The following ACSL5 variants were observed in gnomAD, a reference collection of about 807,000 sequenced individuals.
The protein encoded by ACSL5 is long-chain-fatty-acid--CoA ligase 5.
ACSL5 carries 50 observed loss-of-function variants against 84.9 expected under a neutral mutation model. The observed-to-expected ratio is 0.59, with a 90% confidence interval of 0.47 to 0.75. The LOEUF (loss-of-function observed/expected upper bound fraction) is 0.75, where lower values mean the gene tolerates loss of function less well. Ranked by LOEUF, ACSL5 falls within the 30% of genes least tolerant of loss-of-function variation. The pLI, the probability that ACSL5 is intolerant of heterozygous loss-of-function variation, is 0.00. For synonymous variants in ACSL5, 280 were observed against 300.7 expected, an observed-to-expected ratio of 0.93 and a Z score of 0.71; for missense variants, 775 against 830.4, an observed-to-expected ratio of 0.93 and a Z score of 0.82.
intron 1 of ACSL5, among the ~76,000 whole-genome samples, chr10:112,381,507 A>T (rs1849347406): frequency 6.6e-6 from 1 of 152,024 alleles, no homozygotes; most frequent in African/African-American, 2.4e-5. Context: ...TCTACTAAAA[A>T]TACAAAAATT....
Position 112,427,350 on chromosome 10 carries a change from C to A in ACSL5, c.2044C>A (p.Gln682Lys). The A allele has an allele frequency of 1.2e-6, 2 of 1,612,434 alleles. No homozygotes were observed. Among genetic ancestry groups the A allele is most frequent in the Non-Finnish European group, 1.7e-6 (2 of 1,179,292 alleles). ...TQIDSLYEHI[Q>K]D ...AATTGACAGCCTGTATGAGCACATC[C>A]AGGATTAGGATAAGGTACTTAAGTA... The change falls in exon 21 of 21, where the codon CAG (glutamine) becomes AAG (lysine). Residue 682 changes from glutamine (Q) to lysine (K), a missense_variant. Gln to Lys is a moderately conservative substitution (Grantham distance 53). Coordinates refer to ENST00000354655, the MANE Select transcript of ACSL5 (RefSeq NM_203379.2).
rs770584975 is a variant in ACSL5, at chr10:112,409,644, G to A, written c.670G>A (p.Glu224Lys). 1.6e-5 allele frequency: 26 copies of A among 1,614,078 alleles called. No individual in the cohort carries two copies. The African/African-American group carries it at 2.0e-4, about 12-fold the overall frequency. The change falls in exon 7 of 21, where the codon GAG becomes AAG. Residue 224 changes from glutamate to lysine, a missense_variant. Physicochemically the swap from Glu to Lys is moderately conservative, Grantham distance 56. Coordinates refer to ENST00000354655, the MANE Select transcript of ACSL5 (RefSeq NM_203379.2). ...TGATGATGACCTGAAGCAAAGAGGG[G>A]AGAAGAGTGGAATTGAGATCTTATC... ...PFDDDLKQRGEKSGIEILSLY... is the reference protein window; with the variant it reads ...PFDDDLKQRGKKSGIEILSLY...
intron 9 of ACSL5, 122 bp downstream of exon 9, chr10:112,410,757 C>A: frequency 1.0e-6 from 1 of 959,162 alleles, no homozygotes; most frequent in Non-Finnish European, 1.5e-6. Context: ...GGGCTCACAG[C>A]CTAAGGCTTC....
intron 17 of ACSL5, 47 bp from the exon 18 acceptor site, chr10:112,425,288 TATC>T (rs1844624216): frequency 6.6e-7 from 1 of 1,523,600 alleles, no homozygotes; most frequent in Admixed American, 1.9e-5. Context: ...TCCCCACTGA[TATC>T]ATCTCTGTGG....
intron 1 of ACSL5, among the ~76,000 whole-genome samples, chr10:112,378,025 T>C (rs1438808661): frequency 2.0e-5 from 3 of 152,126 alleles, no homozygotes; most frequent in African/African-American, 7.2e-5. Context: ...TTGTAATTTT[T>C]TGAGGGCAAA....
rs1286188246 is a variant in ACSL5 at position 112,427,911 on chromosome 10, C to T, written c.*553C>T. The T allele has an allele frequency of 6.5e-6, 1 of 152,882 alleles. No individual in the cohort carries two copies. The highest frequency in any genetic ancestry group is 1.5e-5 in the Non-Finnish European group (1 of 68,540). The allele number at this position is 152,882 out of a possible 1,614,324, so 9.5% of individuals were successfully genotyped here. ...ATCTATGAGACAAATGTCTCCGATG[C>T]TCTTCTGCGTAAATTAAATTGTGTA... On this transcript the variant is annotated 3_prime_UTR_variant, in exon 21 of 21. Transcript: ENST00000354655.
At chr10:112,394,291 G>T (rs568215795) in intron 1 of ACSL5, among the ~76,000 whole-genome samples, 11 of 152,148 alleles carry the variant, frequency 7.2e-5, no homozygotes, top group African/African-American at 2.7e-4. Flanking sequence ...ATTCCTCTGG[G>T]CTCCCTAGGT....
At chr10:112,427,055 A>C (rs1844754224) in intron 20 of ACSL5, among the ~76,000 whole-genome samples, 163 bp from the exon 21 acceptor site, 1 of 151,752 alleles carries the variant, frequency 6.6e-6, no homozygotes, top group Admixed American at 6.6e-5. Flanking sequence ...CCTTCTCCCT[A>C]CTCATTACTT....
At position 112,409,613 on chromosome 10, in the gene ACSL5, C is replaced by T. The variant is rs144937522; in HGVS notation, c.639C>T (p.Asp213=). 22 of 1,613,988 alleles carry T rather than the reference C, an allele frequency of 1.4e-5. No homozygotes were observed. The highest frequency in any genetic ancestry group is 1.7e-5 in the Non-Finnish European group (20 of 1,179,998). Reference sequence around the variant, plus strand: ...GCCTGAAGGTGATCATCCTTATGGACCCCTTTGATGATGACCTGAAGCAAA... The same window carrying T: ...GCCTGAAGGTGATCATCCTTATGGATCCCTTTGATGATGACCTGAAGCAAA... The part of the protein sequence containing the change: ...TPSLKVIILM[D]PFDDDLKQRG... Residue 213 remains aspartate (D), a synonymous_variant, in exon 7 of 21, where the codon GAC becomes GAT. Transcript: ENST00000354655.
intron 12 of ACSL5, among the ~76,000 whole-genome samples, chr10:112,416,413 G>A (rs1844314762): frequency 6.8e-6 from 1 of 146,462 alleles, no homozygotes; most frequent in South Asian, 2.2e-4. Flanking sequence ...GGAGCTTGCA[G>A]TGAGCCGAGA....
chr10:112,425,263 G>A, intron 17 of ACSL5, 75 bp from the exon 18 acceptor site: 1 of 1,327,582 alleles, frequency 7.5e-7, no homozygotes, highest in Non-Finnish European at 1.0e-6. Flanking sequence ...AAAGATGACT[G>A]TGACTTCACC....
At chr10:112,390,655 A>AATAG (rs56390024) in intron 1 of ACSL5, among the ~76,000 whole-genome samples, 19,727 of 149,416 alleles carry the variant, frequency 0.13, 1,333 homozygotes, top group Non-Finnish European at 0.15. Context: ...TAGATAGATA[A>AATAG]ATAGATAGAT....
At chr10:112,426,406 T>A in intron 19 of ACSL5, 47 bp downstream of exon 19, 1 of 1,524,146 alleles carries the variant, frequency 6.6e-7, no homozygotes, top group South Asian at 1.1e-5. Flanking sequence ...GGGCCCATCG[T>A]GGAGGAGAGG....
At chr10:112,378,523 A>C (rs1397888952) in intron 1 of ACSL5, among the ~76,000 whole-genome samples, 1 of 152,082 alleles carries the variant, frequency 6.6e-6, no homozygotes, top group South Asian at 2.1e-4. Flanking sequence ...CTGGGATTAC[A>C]GGTGTGAGCC....
At chr10:112,410,315 AT>A in intron 7 of ACSL5, 147 bp from the exon 8 acceptor site, 1 of 1,549,780 alleles carries the variant, frequency 6.5e-7, no homozygotes, top group Non-Finnish European at 8.7e-7. Context: ...TTGTTCCTGA[AT>A]GTTGGCTTCT....
intron 3 of ACSL5, among the ~76,000 whole-genome samples, chr10:112,401,279 G>A (rs1055283294): frequency 2.6e-5 from 4 of 152,158 alleles, no homozygotes; most frequent in African/African-American, 7.2e-5. Context: ...ATTAGCCTTA[G>A]CTAGTAGTTT....
At chr10:112,396,455 T>G (rs1428814021) in intron 2 of ACSL5, 1 of 152,208 alleles carries the variant, frequency 6.6e-6, no homozygotes, top group Non-Finnish European at 1.5e-5. Context: ...TGAGCATGAC[T>G]GTGTTCCGAT....
chr10:112,399,036 G>A (rs773087318), intron 3 of ACSL5, 27 bp downstream of exon 3: 2 of 1,574,872 alleles, frequency 1.3e-6, no homozygotes, highest in Non-Finnish European at 8.7e-7. Flanking sequence ...GTCCTTGCCT[G>A]AAGAAGACAA....
In ACSL5 at chr10:112,395,020, C is replaced by G; in HGVS notation, c.74C>G (p.Ala25Gly). The change falls in exon 2 of 21, where the codon GCT becomes GGT. Residue 25 changes from alanine (A) to glycine (G), a missense_variant. Coordinates refer to ENST00000354655, the MANE Select transcript of ACSL5 (RefSeq NM_203379.2). ...TTGATCTGCATCCTGACATTTGGAG[C>G]TGCCATCTTCTTGTGGCTGATCACC... ...PALICILTFGAAIFLWLITRP... is the reference protein window; with the variant it reads ...PALICILTFGGAIFLWLITRP... 6.2e-7 allele frequency: 1 copy of G among 1,614,062 alleles called. No homozygotes were observed. Among genetic ancestry groups the G allele is most frequent in the Non-Finnish European group, 8.5e-7 (1 of 1,180,032 alleles).
Sources: allele counts gnomAD v4.1 joint callset (sites outside exome capture counted in the v4.1 genomes callset), GRCh38; gene constraint gnomAD v4.1.1; transcripts MANE v1.5; gene names NCBI Gene and HGNC (gene_info 2026-07-23, HGNC 2026-07-21).